PPP2R2C: variants seen among roughly 807,000 people sequenced by gnomAD.
PPP2R2C encodes protein phosphatase 2, regulatory subunit B, gamma.
A neutral mutation model predicts 45.3 loss-of-function variants in PPP2R2C; 10 were observed. That is an observed-to-expected ratio of 0.22 (90% CI 0.14 to 0.37). PPP2R2C has a LOEUF of 0.37. PPP2R2C is among the 10% of genes least tolerant of loss of function. The pLI, the probability that PPP2R2C is intolerant of heterozygous loss-of-function variation, is 1.00. For synonymous variants in PPP2R2C, 257 were observed against 245.4 expected (o/e 1.05, Z -0.44); for missense variants, 308 against 619.7 (o/e 0.50, Z 5.34).
intron 8 of PPP2R2C, among the ~76,000 whole-genome samples, chr4:6,325,280 T>C (rs1054846715): frequency 6.6e-6 from 1 of 152,188 alleles, no homozygotes; most frequent in African/African-American, 2.4e-5. Flanking sequence ...TGAGGCACTT[T>C]GCTTCTTGTT....
chr4:6,335,714 A>C (rs530666913), intron 6 of PPP2R2C, among the ~76,000 whole-genome samples: 6 of 151,338 alleles, frequency 4.0e-5, no homozygotes, highest in Non-Finnish European at 7.4e-5. Flanking sequence ...TCCTGATCCC[A>C]GGCCACTGCA....
chr4:6,334,245 T>C (rs564302245), intron 6 of PPP2R2C, among the ~76,000 whole-genome samples: 1 of 152,258 alleles, frequency 6.6e-6, no homozygotes, highest in South Asian at 2.1e-4. Flanking sequence ...TACTTATAGG[T>C]GGGTTTTGTT....
At chr4:6,536,751 G>T (rs1210378850) in intron 1 of PPP2R2C, among the ~76,000 whole-genome samples, 3 of 152,234 alleles carry the variant, frequency 2.0e-5, no homozygotes, top group Non-Finnish European at 4.4e-5. Context: ...CTTCTGTCAA[G>T]AACAATCATT....
At chr4:6,490,235 G>C (rs1431636759) in intron 2 of PPP2R2C, among the ~76,000 whole-genome samples, 1 of 152,180 alleles carries the variant, frequency 6.6e-6, no homozygotes, top group Non-Finnish European at 1.5e-5. Context: ...GTTCCTGGGA[G>C]CGCTCATCTG....
intron 2 of PPP2R2C, among the ~76,000 whole-genome samples, chr4:6,493,040 T>A (rs1377662336): frequency 6.6e-6 from 1 of 152,108 alleles, no homozygotes; most frequent in African/African-American, 2.4e-5. Context: ...ATGCATACCC[T>A]GCCTCGGGGA....
At position 6,510,744 on chromosome 4, in the gene PPP2R2C, G is replaced by A. The variant is rs7671158; in HGVS notation, c.49+24527C>T. Among the ~76,000 whole-genome samples, 775 of 152,196 alleles carry A rather than the reference G, an allele frequency of 5.1e-3. 6 individuals carry two copies. Among genetic ancestry groups the A allele is most frequent in the African/African-American group, 0.018 (729 of 41,496 alleles). ...TGTAATCCCAGCACTTTGGGAGGCCGAGGTGGGCGGACCCCGAGGTCAGGA... is the reference window on the plus strand; with the variant it reads ...TGTAATCCCAGCACTTTGGGAGGCCAAGGTGGGCGGACCCCGAGGTCAGGA... On this transcript the variant is annotated intron_variant, in intron 2 of 9. Coordinates refer to the PPP2R2C transcript ENST00000506140.
rs1015243588 is a variant in PPP2R2C at position 6,330,847 on chromosome 4, G to C, written c.961-1494C>G. On this transcript the variant is annotated intron_variant, in intron 7 of 8. Transcript: ENST00000382599. The surrounding 1 kb of genome is among the most constrained non-coding windows in gnomAD (Gnocchi z 7.0). ...GGTTAGACAAGGCTACCTGACTCCC[G>C]CCTGGGGCCCTGCTCATCCCTCCCC... Among the ~76,000 whole-genome samples, 1 of 152,108 alleles carries C rather than the reference G, an allele frequency of 6.6e-6. No individual in the cohort carries two copies. The highest frequency in any genetic ancestry group is 1.5e-5 in the Non-Finnish European group (1 of 68,004).
chr4:6,481,627 G>C (rs943796175), intron 2 of PPP2R2C, among the ~76,000 whole-genome samples: 2 of 152,078 alleles, frequency 1.3e-5, no homozygotes, highest in African/African-American at 2.4e-5. Flanking sequence ...AATTGTCTTG[G>C]TTATTCTTGG....
intron 2 of PPP2R2C, among the ~76,000 whole-genome samples, chr4:6,504,513 TA>T (rs1723158363): frequency 6.6e-6 from 1 of 152,218 alleles, no homozygotes; most frequent in Admixed American, 6.5e-5. Context: ...ACAATCATTT[TA>T]AAGCAGCTAT....
chr4:6,393,623 G>A (rs573271283), intron 1 of PPP2R2C, among the ~76,000 whole-genome samples: 6 of 152,300 alleles, frequency 3.9e-5, no homozygotes, highest in South Asian at 2.1e-4. Flanking sequence ...CAGACCCAGC[G>A]TGGAAGGCCA....
intron 2 of PPP2R2C, among the ~76,000 whole-genome samples, chr4:6,533,031 G>T (rs1724457822): frequency 6.6e-6 from 1 of 152,224 alleles, no homozygotes; most frequent in Admixed American, 6.5e-5. Flanking sequence ...GGAGGCAGGG[G>T]TAAGCAGGGG....
intron 1 of PPP2R2C, among the ~76,000 whole-genome samples, chr4:6,544,937 CAGA>C (rs1270308432): frequency 3.9e-5 from 6 of 152,194 alleles, no homozygotes; most frequent in Non-Finnish European, 5.9e-5. Flanking sequence ...TGAATTTAGG[CAGA>C]AGGAGATTTC....
intron 1 of PPP2R2C, among the ~76,000 whole-genome samples, chr4:6,453,006 G>A (rs536434818): frequency 1.3e-5 from 2 of 152,212 alleles, no homozygotes; most frequent in Admixed American, 6.5e-5. Flanking sequence ...GATCAGGATA[G>A]AGCAGAACAT....
At chr4:6,335,046 G>A (rs1434084509) in intron 6 of PPP2R2C, among the ~76,000 whole-genome samples, 1 of 152,188 alleles carries the variant, frequency 6.6e-6, no homozygotes, top group East Asian at 1.9e-4. Context: ...CCTCTGCAGG[G>A]CCCACTGGAT....
At chr4:6,361,344 G>C (rs1460300553) in intron 5 of PPP2R2C, among the ~76,000 whole-genome samples, 1 of 152,196 alleles carries the variant, frequency 6.6e-6, no homozygotes, top group Non-Finnish European at 1.5e-5. Flanking sequence ...TGCTTAGAAA[G>C]GAATCAACCA....
chr4:6,530,384 C>T (rs1022278667), intron 2 of PPP2R2C, among the ~76,000 whole-genome samples: 1 of 152,182 alleles, frequency 6.6e-6, no homozygotes, highest in South Asian at 2.1e-4. Context: ...TGACTTTAAC[C>T]CCCCATGAGA....
At chr4:6,414,076 ATGTGTGTGTG>A (rs71173440) in intron 1 of PPP2R2C, 12,924 of 879,916 alleles carry the variant, frequency 0.015, 49 homozygotes, top group Non-Finnish European at 0.016. Context: ...TTGCCTGTGT[ATGTGTGTGTG>A]TGTGTGTGTG....
intron 1 of PPP2R2C, among the ~76,000 whole-genome samples, chr4:6,387,807 G>GAA (rs10623195): frequency 0.44 from 62,484 of 143,220 alleles, 15,310 homozygotes; most frequent in African/African-American, 0.68. Flanking sequence ...CAACAGTGAA[G>GAA]AAAAAAAAAA....
chr4:6,355,649 G>A (rs777116607), intron 5 of PPP2R2C, among the ~76,000 whole-genome samples: 59 of 151,850 alleles, frequency 3.9e-4, no homozygotes, highest in South Asian at 2.1e-4. Flanking sequence ...CAAAGGAGCC[G>A]TCCCCCTGCA....
Sources: gnomAD v4.1 joint callset for allele counts (sites outside exome capture counted in the v4.1 genomes callset) on GRCh38, gnomAD v4.1.1 for gene constraint, Gnocchi (gnomAD v3.1) non-coding constraint, MANE v1.5 for transcripts, NCBI Gene and HGNC (gene_info 2026-07-23, HGNC 2026-07-21) for gene names.